The following AREL1 variants were observed in gnomAD, a reference collection of about 807,000 sequenced individuals.
The protein encoded by AREL1 is apoptosis resistant E3 ubiquitin protein ligase 1, also known as apoptosis-resistant E3 ubiquitin protein ligase 1.
A neutral mutation model predicts 99.0 loss-of-function variants in AREL1; 62 were observed. The ratio of observed to expected loss-of-function variants is 0.63; its 90% confidence interval spans 0.51 to 0.77. The LOEUF is 0.77. AREL1 is among the 30% of genes least tolerant of loss of function. The pLI is 0.00. For missense variants in AREL1, 879 were observed against 1,027.6 expected (o/e 0.86, Z 1.98); for synonymous variants, 380 against 376.5 (o/e 1.01, Z -0.11).
At chr14:74,676,462 G>T in intron 6 of AREL1, 121 bp downstream of exon 6, 1 of 1,408,942 alleles carries the variant, frequency 7.1e-7, no homozygotes. Flanking sequence ...GTCAGATGAA[G>T]ATACAGACAG....
Position 74,667,454 on chromosome 14 carries a change from C to T in AREL1, c.2044+11G>A, listed in dbSNP as rs1165716275. 3.1e-6 allele frequency: 5 copies of T among 1,613,620 alleles called. No homozygotes were observed. Among genetic ancestry groups the T allele is most frequent in the Admixed American group, 1.7e-5 (1 of 59,976 alleles). Reference sequence around the variant, plus strand: ...TTTTAACTTCAAGGCCAAGAACAGACAGGATCCCACCTTTTAGGAAATGTT... The same window carrying T: ...TTTTAACTTCAAGGCCAAGAACAGATAGGATCCCACCTTTTAGGAAATGTT... On this transcript the variant is annotated intron_variant, in intron 16 of 19. Transcript: ENST00000356357.
intron 2 of AREL1, among the ~76,000 whole-genome samples, chr14:74,686,604 C>T (rs1203457150): frequency 6.6e-6 from 1 of 152,136 alleles, no homozygotes; most frequent in Non-Finnish European, 1.5e-5. Context: ...TAGAATATTA[C>T]GTAGAGACAA....
chr14:74,678,167 G>A (rs1199979813), intron 5 of AREL1: 1 of 453,756 alleles, frequency 2.2e-6, no homozygotes, highest in South Asian at 1.6e-5. Context: ...GAATAAAGTG[G>A]AGTCAGCTTA....
intron 15 of AREL1, among the ~76,000 whole-genome samples, chr14:74,668,864 T>G (rs1370305663): frequency 6.6e-6 from 1 of 152,252 alleles, no homozygotes; most frequent in Admixed American, 6.5e-5. Flanking sequence ...GGGCCATCAT[T>G]TTCTAATAAA....
At position 74,674,074 on chromosome 14, in the gene AREL1, G is replaced by C; in HGVS notation, c.1118C>G (p.Pro373Arg). ...CACTCGGAAGGTGTAAAGGCGCCAG[G>C]GGATGATCTTCAGGTAGAACTCCTT... ...SVKEFYLKII[P>R]WRLYTFRVCP... is the part of the protein sequence containing the mutation. The change falls in exon 9 of 20, where the codon CCC becomes CGC. Residue 373 changes from proline to arginine, a missense_variant. Transcript: ENST00000356357. The C allele has an allele frequency of 1.2e-6, 2 of 1,613,844 alleles. No individual in the cohort carries two copies. Among genetic ancestry groups the C allele is most frequent in the Non-Finnish European group, 1.7e-6 (2 of 1,179,810 alleles).
At position 74,684,601 on chromosome 14, in the gene AREL1, G is replaced by A. The variant is rs778287897; in HGVS notation, c.96C>T (p.Phe32=). 33 of 1,614,062 alleles carry A rather than the reference G, an allele frequency of 2.0e-5. No individual in the cohort carries two copies. The highest frequency in any genetic ancestry group is 4.4e-5 in the South Asian group (4 of 91,088). ...LFELAARVVS[F]LQNEDRERRG... ...GGCGCTCGCGGTCCTCATTCTGGAG[G>A]AAGCTGACTACACGTGCGGCAAGCT... The change falls in exon 4 of 20, where the codon TTC becomes TTT. Residue 32 remains phenylalanine (F), a synonymous_variant. Transcript: ENST00000356357.
chr14:74,670,629 A>T (rs777366195), intron 13 of AREL1, 133 bp downstream of exon 13: 7 of 704,316 alleles, frequency 9.9e-6, no homozygotes, highest in Non-Finnish European at 1.7e-5. Flanking sequence ...TGATTAGCTT[A>T]TATTTTAAGC....
At chr14:74,667,226 G>C in intron 17 of AREL1, 93 bp downstream of exon 17, 2 of 1,464,178 alleles carry the variant, frequency 1.4e-6, no homozygotes, top group South Asian at 1.2e-5. Flanking sequence ...TGGCTTTCCA[G>C]CTGCATCTCA....
At position 74,664,857 on chromosome 14, in the gene AREL1, G is replaced by A; in HGVS notation, c.2172C>T (p.Gly724=). The A allele has an allele frequency of 6.2e-7, 1 of 1,613,680 alleles. No homozygotes were observed. The highest frequency in any genetic ancestry group is 8.5e-7 in the Non-Finnish European group (1 of 1,179,728). The stretch of plus-strand genomic sequence containing the variant: ...TTACCTTTTCTCTGAAATGCCATGA[G>A]CCACCAACAACTACTGCATGGGCTT... ...DFKAHAVVVG[G]SWHFREKVMR... Residue 724 remains glycine (G), a synonymous_variant, in exon 18 of 20, where the codon GGC becomes GGT. Coordinates refer to ENST00000356357, the MANE Select transcript of AREL1 (RefSeq NM_001039479.2).
intron 1 of AREL1, among the ~76,000 whole-genome samples, chr14:74,694,988 C>CG (rs1232701122): frequency 1.2e-5 from 1 of 85,050 alleles, no homozygotes; most frequent in Admixed American, 1.6e-4. Context: ...GACTCTGTCT[C>CG]GGAAAAAAAA....
At chr14:74,702,588 C>A (rs995707109) in intron 1 of AREL1, among the ~76,000 whole-genome samples, 3 of 152,180 alleles carry the variant, frequency 2.0e-5, no homozygotes, top group African/African-American at 7.2e-5. Context: ...GCTATGAAAA[C>A]CTCTGACATG....
rs201017145 is a variant in AREL1 at position 74,676,318 on chromosome 14, C to T, written c.655G>A (p.Gly219Ser). The part of the protein sequence containing the change: ...HNYTLSIHEL[G>S]PQEEESTGVS... ...CCAGTACTCTCTTCTTCTTGAGGGC[C>T]GAGCTATAGGAAGGCAACAGAGCAT... Residue 219 changes from glycine to serine, a missense_variant, in exon 7 of 20, where the codon GGC becomes AGC. Gly to Ser is a moderately conservative substitution (Grantham distance 56). Transcript: ENST00000356357. 562 of 1,613,742 alleles carry T rather than the reference C, an allele frequency of 3.5e-4. No homozygotes were observed. The highest frequency in any genetic ancestry group is 4.5e-4 in the Non-Finnish European group (532 of 1,179,838).
At chr14:74,676,106 G>A in intron 7 of AREL1, 35 bp downstream of exon 7, 1 of 1,596,330 alleles carries the variant, frequency 6.3e-7, no homozygotes, top group Non-Finnish European at 8.6e-7. Flanking sequence ...AACGGCTGAA[G>A]AACAGCACTA....
At chr14:74,710,632 A>G (rs747297738) in intron 1 of AREL1, among the ~76,000 whole-genome samples, 2 of 152,216 alleles carry the variant, frequency 1.3e-5, no homozygotes, top group Non-Finnish European at 2.9e-5. Flanking sequence ...CATGAATGGC[A>G]GCTTGACAGA....
At chr14:74,678,397 T>C (rs1234017327) in intron 5 of AREL1, 12 of 292,538 alleles carry the variant, frequency 4.1e-5, no homozygotes. Context: ...ACTCGGGAGG[T>C]TGAGGCAGGA....
chr14:74,691,324 T>TA (rs11407786), intron 2 of AREL1, among the ~76,000 whole-genome samples: 48,850 of 72,666 alleles, frequency 0.67, 16,618 homozygotes, highest in Non-Finnish European at 0.72. Context: ...TGTCTCCATT[T>TA]AAAAAAAAAA....
At chr14:74,712,037 GCAAAAAAAAAAAA>G (rs2090304870) in intron 1 of AREL1, 1 of 11,364 alleles carries the variant, frequency 8.8e-5, no homozygotes, top group African/African-American at 2.9e-4. Flanking sequence ...AAGACAAAGT[GCAAAAAAAAAAAA>G]AAAAAAAAAA....
At chr14:74,696,014 C>T (rs933493532) in intron 1 of AREL1, among the ~76,000 whole-genome samples, 3 of 152,200 alleles carry the variant, frequency 2.0e-5, no homozygotes, top group African/African-American at 7.2e-5. Context: ...AAGCCAAATC[C>T]TAACAGCCGC....
chr14:74,677,271 AATCCCTTAAGG>A (rs1171686874), intron 5 of AREL1, among the ~76,000 whole-genome samples: 2 of 151,638 alleles, frequency 1.3e-5, no homozygotes, highest in Admixed American at 6.6e-5. Flanking sequence ...AAGGCCAGAG[AATCCCTTAAGG>A]ATCCCTTAAG....
Sources: gnomAD v4.1 joint callset for allele counts (sites outside exome capture counted in the v4.1 genomes callset) on GRCh38, gnomAD v4.1.1 for gene constraint, MANE v1.5 for transcripts, NCBI Gene and HGNC (gene_info 2026-07-23, HGNC 2026-07-21) for gene names.